Variants in ADGRD1 observed in about 807,000 individuals in gnomAD.
The protein encoded by ADGRD1 is G-protein coupled receptor 133.
A neutral mutation model predicts 113.4 loss-of-function variants in ADGRD1; 77 were observed. The observed-to-expected ratio is 0.68, with a 90% CI of 0.57 to 0.82. ADGRD1 has a LOEUF of 0.82. ADGRD1 is among the 40% of genes least tolerant of loss of function. The pLI, the probability that ADGRD1 is intolerant of heterozygous loss-of-function variation, is 0.00. For missense variants in ADGRD1, 1,036 were observed against 1,139.1 expected, an observed-to-expected ratio of 0.91 and a Z score of 1.30; for synonymous variants, 474 against 475.0, an observed-to-expected ratio of 1.00 and a Z score of 0.03.
intron 6 of ADGRD1, 110 bp downstream of exon 6, chr12:130,987,459 G>T: frequency 1.6e-6 from 2 of 1,229,798 alleles, no homozygotes; most frequent in Non-Finnish European, 1.2e-6. Flanking sequence ...CACTGCAGGC[G>T]TGAGATGTGT....
At chr12:131,121,973 C>T (rs1308030850) in intron 20 of ADGRD1, 1 of 152,512 alleles carries the variant, frequency 6.6e-6, no homozygotes, top group Non-Finnish European at 1.5e-5. Flanking sequence ...GCAGTTAGCA[C>T]CGGTGGACAC....
At position 130,965,311 on chromosome 12, in the gene ADGRD1, C is replaced by T. The variant is rs189500170; in HGVS notation, c.104-1152C>T. Among the ~76,000 whole-genome samples, 145 of 152,174 alleles carry T rather than the reference C, an allele frequency of 9.5e-4. No homozygotes were observed. Among genetic ancestry groups the T allele is most frequent in the Middle Eastern group, 6.8e-3 (2 of 294 alleles). On this transcript the variant is annotated intron_variant, in intron 2 of 24. Transcript: ENST00000261654. This position sits in a 1 kb window ranked among gnomAD's most constrained non-coding sequence, Gnocchi z 4.8. Reference sequence around the variant, plus strand: ...ACGAAATTCTTTTCTTATTTGTAATCGTTTTCCACTTTGGTTATCAGGCAT... The same window carrying T: ...ACGAAATTCTTTTCTTATTTGTAATTGTTTTCCACTTTGGTTATCAGGCAT...
chr12:131,047,360 C>T (rs1050545702), intron 13 of ADGRD1, among the ~76,000 whole-genome samples: 1 of 152,198 alleles, frequency 6.6e-6, no homozygotes, highest in African/African-American at 2.4e-5. Context: ...TCCTCCGCAC[C>T]TGGAGCCTGG....
rs1010530641 is a variant in ADGRD1 at position 130,966,029 on chromosome 12, A to G, written c.104-434A>G. Among the ~76,000 whole-genome samples the G allele has an allele frequency of 1.3e-5, 2 of 152,226 alleles. No homozygotes were observed. The highest frequency in any genetic ancestry group is 2.9e-5 in the Non-Finnish European group (2 of 68,028). On this transcript the variant is annotated intron_variant, in intron 2 of 24. Coordinates refer to ENST00000261654, the MANE Select transcript of ADGRD1 (RefSeq NM_198827.5). The surrounding 1 kb of genome is among the most constrained non-coding windows in gnomAD (Gnocchi z 4.6). ...GACCTCAGTGTCTGGCATACCATTC[A>G]TGTTAGTTTTCTCCTCTTTTAAAAT... is the stretch of plus-strand genomic sequence containing the variant.
intron 15 of ADGRD1, among the ~76,000 whole-genome samples, chr12:131,097,700 C>T (rs925432748): frequency 3.9e-5 from 6 of 152,164 alleles, no homozygotes; most frequent in East Asian, 1.9e-4. Context: ...AGACAGGCCC[C>T]GTGAGAGCCT....
chr12:131,078,170 C>T (rs1885789011), intron 14 of ADGRD1, among the ~76,000 whole-genome samples: 1 of 152,260 alleles, frequency 6.6e-6, no homozygotes, highest in Non-Finnish European at 1.5e-5. Flanking sequence ...CTGCTCCCTG[C>T]ACCCAGAGGG....
chr12:130,999,461 G>C (rs537705298), intron 8 of ADGRD1, among the ~76,000 whole-genome samples: 1 of 152,346 alleles, frequency 6.6e-6, no homozygotes, highest in South Asian at 2.1e-4. Context: ...ATCTCATAAA[G>C]ATAAACAAAT....
rs73164867 is a variant in ADGRD1 at position 130,965,978 on chromosome 12, C to T, written c.104-485C>T. Among the ~76,000 whole-genome samples the T allele has an allele frequency of 6.6e-6, 1 of 152,310 alleles. No homozygotes were observed. Among genetic ancestry groups the T allele is most frequent in the Non-Finnish European group, 1.5e-5 (1 of 68,032 alleles). ...CAATTTTCTTATAGATTATTGTTAG[C>T]ATGAAGTGAGGAAGTGCTTGTTAAG... is the stretch of plus-strand genomic sequence containing the variant. On this transcript the variant is annotated intron_variant, in intron 2 of 24. Coordinates refer to ENST00000261654, the MANE Select transcript of ADGRD1 (RefSeq NM_198827.5). This position sits in a 1 kb window ranked among gnomAD's most constrained non-coding sequence, Gnocchi z 4.8.
chr12:131,030,257 C>T (rs1284492776), intron 13 of ADGRD1, among the ~76,000 whole-genome samples: 8 of 142,852 alleles, frequency 5.6e-5, no homozygotes, highest in African/African-American at 1.3e-4. Flanking sequence ...GTGGACCCGT[C>T]GTAGGTGACA....
At chr12:131,130,921 G>A (rs915459644) in intron 20 of ADGRD1, among the ~76,000 whole-genome samples, 4 of 152,190 alleles carry the variant, frequency 2.6e-5, no homozygotes, top group African/African-American at 9.7e-5. Flanking sequence ...CTGAAAGTTC[G>A]AGCCTGAGAG....
intron 13 of ADGRD1, among the ~76,000 whole-genome samples, chr12:131,020,736 C>T (rs76022355): frequency 0.081 from 12,365 of 152,322 alleles, 650 homozygotes; most frequent in Middle Eastern, 0.12. Flanking sequence ...TGCGGGGGAC[C>T]TGTGTCCTCA....
At chr12:130,968,883 C>G in intron 3 of ADGRD1, 1 of 721,038 alleles carries the variant, frequency 1.4e-6, no homozygotes, top group Non-Finnish European at 2.4e-6. Flanking sequence ...AAGAGCCCCT[C>G]CTGGTGCCTG....
Position 131,139,153 on chromosome 12 carries a change from C to CTT in ADGRD1, c.2530-13_2530-12dup. The CTT allele has an allele frequency of 6.2e-7, 1 of 1,608,950 alleles. No homozygotes were observed. The highest frequency in any genetic ancestry group is 8.5e-7 in the Non-Finnish European group (1 of 1,176,384). On this transcript the variant is annotated splice_polypyrimidine_tract_variant and intron_variant, in intron 24 of 24. Transcript: ENST00000261654. ...GGAGCAGGCCCTTCACTGCTCATCC[C>CTT]TTTATGCTTTGCAGATGAATGGGAC...
chr12:131,095,638 AGCCCGGCCGAGG>A (rs755783325), intron 15 of ADGRD1, among the ~76,000 whole-genome samples: 5 of 152,324 alleles, frequency 3.3e-5, no homozygotes, highest in Non-Finnish European at 7.3e-5. Flanking sequence ...ATGGACGCAT[AGCCCGGCCGAGG>A]GATCGGGTCG....
intron 13 of ADGRD1, among the ~76,000 whole-genome samples, chr12:131,054,154 A>C (rs949575399): frequency 6.6e-6 from 1 of 152,246 alleles, no homozygotes; most frequent in Admixed American, 6.5e-5. Flanking sequence ...TGGCAAAAAA[A>C]TAAATGCACA....
At chr12:131,007,878 T>G (rs1460524946) in intron 12 of ADGRD1, among the ~76,000 whole-genome samples, 3 of 109,308 alleles carry the variant, frequency 2.7e-5, no homozygotes, top group Non-Finnish European at 6.3e-5. Context: ...TCATCAAAAT[T>G]CACCTGGAAA....
intron 13 of ADGRD1, among the ~76,000 whole-genome samples, chr12:131,056,554 A>G (rs1436189215): frequency 6.6e-6 from 1 of 152,234 alleles, no homozygotes; most frequent in Admixed American, 6.5e-5. Context: ...GCTATATCAC[A>G]GCACCGATAA....
At chr12:131,049,112 C>T (rs1007917685) in intron 13 of ADGRD1, among the ~76,000 whole-genome samples, 1 of 152,242 alleles carries the variant, frequency 6.6e-6, no homozygotes, top group African/African-American at 2.4e-5. Flanking sequence ...TGGAGCTGGA[C>T]CCTCAGGCTC....
At chr12:131,017,526 GAC>G (rs776161562) in intron 13 of ADGRD1, among the ~76,000 whole-genome samples, 1 of 123,334 alleles carries the variant, frequency 8.1e-6, no homozygotes, top group African/African-American at 3.2e-5. Flanking sequence ...ACCCAGCACA[GAC>G]ACACACACCC....
Sources: gnomAD v4.1 joint callset for allele counts (sites outside exome capture counted in the v4.1 genomes callset) on GRCh38, gnomAD v4.1.1 for gene constraint, Gnocchi (gnomAD v3.1) non-coding constraint, MANE v1.5 for transcripts, NCBI Gene and HGNC (gene_info 2026-07-23, HGNC 2026-07-21) for gene names.